The following PPP4R4 variants were observed in gnomAD, a reference collection of about 807,000 sequenced individuals.
The protein encoded by PPP4R4 is serine/threonine-protein phosphatase 4 regulatory subunit 4.
In PPP4R4, 70 loss-of-function variants were observed where a neutral mutation model predicts 121.8. The ratio of observed to expected loss-of-function variants is 0.57; its 90% CI spans 0.47 to 0.70. The LOEUF is 0.70. PPP4R4 is among the 30% of genes least tolerant of loss of function. The probability of loss-of-function intolerance (pLI) is 0.00; values close to 1 mark genes in which losing one functional copy is unlikely to be tolerated. For missense variants in PPP4R4, 875 were observed against 1,033.6 expected (o/e 0.85, Z 2.10); for synonymous variants, 348 against 355.7 (o/e 0.98, Z 0.24).
chr14:94,185,778 C>G (rs1889240974), intron 2 of PPP4R4, among the ~76,000 whole-genome samples: 1 of 152,148 alleles, frequency 6.6e-6, no homozygotes, highest in Admixed American at 6.5e-5. Flanking sequence ...AGATTGGGCA[C>G]CAAATTCCCC....
At chr14:94,185,788 C>T (rs943973470) in intron 2 of PPP4R4, among the ~76,000 whole-genome samples, 4 of 152,158 alleles carry the variant, frequency 2.6e-5, no homozygotes, top group African/African-American at 9.7e-5. Context: ...CCAAATTCCC[C>T]CATCTCCATT....
intron 3 of PPP4R4, among the ~76,000 whole-genome samples, chr14:94,219,871 G>A (rs1419823466): frequency 2.6e-5 from 4 of 152,150 alleles, no homozygotes; most frequent in Admixed American, 6.5e-5. Flanking sequence ...TGAGGCTGGA[G>A]AATCTCTTGA....
At chr14:94,239,571 C>G (rs1892522529) in intron 8 of PPP4R4, among the ~76,000 whole-genome samples, 1 of 152,040 alleles carries the variant, frequency 6.6e-6, no homozygotes, top group Admixed American at 6.6e-5. Flanking sequence ...GGTTGGCAAA[C>G]TATGGCCCTT....
chr14:94,190,553 A>AT (rs113526932), intron 2 of PPP4R4, among the ~76,000 whole-genome samples: 2,905 of 152,238 alleles, frequency 0.019, 89 homozygotes, highest in African/African-American at 0.066. Context: ...GTGAGCCAAG[A>AT]TTGTGTCATT....
chr14:94,273,499 G>C (rs1894456829), intron 23 of PPP4R4, among the ~76,000 whole-genome samples: 1 of 152,076 alleles, frequency 6.6e-6, no homozygotes, highest in South Asian at 2.1e-4. Flanking sequence ...AATTTTTAGG[G>C]CAGTGAAAAC....
chr14:94,182,193 T>A (rs1889030414), intron 2 of PPP4R4, among the ~76,000 whole-genome samples: 2 of 152,344 alleles, frequency 1.3e-5, no homozygotes, highest in Admixed American at 6.5e-5. Flanking sequence ...TTGTTCTTTG[T>A]TTGCCTTTAT....
At chr14:94,190,304 A>G (rs7144827) in intron 2 of PPP4R4, among the ~76,000 whole-genome samples, 24,052 of 152,104 alleles carry the variant, frequency 0.16, 2,028 homozygotes, top group Middle Eastern at 0.24. Context: ...TAACATATCT[A>G]TATATTTTTA....
intron 23 of PPP4R4, among the ~76,000 whole-genome samples, chr14:94,267,264 AAGT>A (rs1473875504): frequency 6.6e-6 from 1 of 152,170 alleles, no homozygotes; most frequent in African/African-American, 2.4e-5. Context: ...AAAAGAACAA[AAGT>A]GATAGGGTAT....
At position 94,197,925 on chromosome 14, in the gene PPP4R4, T is replaced by C. The variant is rs1331204644; in HGVS notation, c.192-10539T>C. The stretch of plus-strand genomic sequence containing the variant: ...TATGGATATATCACTGTATGGAATA[T>C]AATAATTTGATTATCCACTTGTTAG... On this transcript the variant is annotated intron_variant, in intron 2 of 24. Transcript: ENST00000304338. Among the ~76,000 whole-genome samples, 5 of 152,246 alleles carry C rather than the reference T, an allele frequency of 3.3e-5. No individual in the cohort carries two copies. In the East Asian group the frequency reaches 9.6e-4, roughly 29 times the overall value.
intron 2 of PPP4R4, among the ~76,000 whole-genome samples, chr14:94,176,856 C>T (rs1232328590): frequency 6.6e-6 from 1 of 152,096 alleles, no homozygotes; most frequent in African/African-American, 2.4e-5. Flanking sequence ...TAAAATTGTT[C>T]ATTAGCTTAC....
Position 94,246,359 on chromosome 14 carries a change from A to G in PPP4R4, c.1431A>G (p.Leu477=), listed in dbSNP as rs1177873890. Residue 477 remains leucine (L), a splice_region_variant and synonymous_variant, in exon 14 of 25, where the codon TTA becomes TTG. Transcript: ENST00000304338. Reference sequence around the variant, plus strand: ...TTTTTGATGCGTTTCATTTTCAGTTATCTTCTCTGCCTGACTTGATTCCAG... The same window carrying G: ...TTTTTGATGCGTTTCATTTTCAGTTGTCTTCTCTGCCTGACTTGATTCCAG... ...GGESSVQENK[L]SSLPDLIPAL... is the part of the protein sequence containing the mutation. 2.5e-6 allele frequency: 4 copies of G among 1,589,602 alleles called. No individual in the cohort carries two copies. The South Asian group carries it at 3.5e-5, about 14-fold the overall frequency.
At position 94,234,627 on chromosome 14, in the gene PPP4R4, C is replaced by G. The variant is rs750864680; in HGVS notation, c.689C>G (p.Ser230Cys). Residue 230 changes from serine (S) to cysteine (C), a missense_variant, in exon 7 of 25, where the codon TCT becomes TGT. Ser to Cys is a moderately radical substitution (Grantham distance 112). Transcript: ENST00000304338. ...CAAGATGTAGAATATGAAGTTCGAT[C>G]TTGTATGTGTCGGCAATTAGAAAAT... ...LCQDVEYEVR[S>C]CMCRQLENIA... is the part of the protein sequence containing the mutation. The G allele has an allele frequency of 6.2e-7, 1 of 1,608,500 alleles. No individual in the cohort carries two copies. Among genetic ancestry groups the G allele is most frequent in the South Asian group, 1.1e-5 (1 of 90,882 alleles).
chr14:94,228,673 G>A (rs908538470), intron 3 of PPP4R4, among the ~76,000 whole-genome samples: 14 of 152,174 alleles, frequency 9.2e-5, no homozygotes, highest in African/African-American at 3.4e-4. Flanking sequence ...TGTGCAAAAT[G>A]TGTGTGAAGG....
Position 94,279,442 on chromosome 14 carries a change from A to G in PPP4R4, c.*799A>G, listed in dbSNP as rs1040902562. On this transcript the variant is annotated 3_prime_UTR_variant, in exon 25 of 25. Transcript: ENST00000304338. ...TGCTTAAGCTATGTCAACAGCATTT[A>G]TTTGTACTAATGCTAATATTTCCAT... The G allele has an allele frequency of 2.0e-5, 3 of 152,728 alleles. No homozygotes were observed. Among genetic ancestry groups the G allele is most frequent in the Admixed American group, 2.0e-4 (3 of 15,286 alleles). The allele number at this position is 152,728 out of a possible 1,614,324, so 9.5% of individuals were successfully genotyped here.
intron 2 of PPP4R4, among the ~76,000 whole-genome samples, chr14:94,190,365 T>A (rs193175137): frequency 6.7e-4 from 102 of 152,224 alleles, no homozygotes; most frequent in African/African-American, 2.4e-3. Flanking sequence ...CCTGGCACTC[T>A]GGGAGGCAGA....
intron 19 of PPP4R4, among the ~76,000 whole-genome samples, chr14:94,264,037 G>A (rs1204349786): frequency 6.6e-6 from 1 of 152,102 alleles, no homozygotes; most frequent in Non-Finnish European, 1.5e-5. Flanking sequence ...CTGTGTTTTG[G>A]TAACGTTTTG....
rs1355541917 is a variant in PPP4R4 at position 94,175,143 on chromosome 14, C to G, written c.117+561C>G. Among the ~76,000 whole-genome samples, 5 of 151,742 alleles carry G rather than the reference C, an allele frequency of 3.3e-5. No individual in the cohort carries two copies. In the East Asian group the frequency reaches 9.7e-4, roughly 29 times the overall value. On this transcript the variant is annotated intron_variant, in intron 1 of 24. Coordinates refer to ENST00000304338, the MANE Select transcript of PPP4R4 (RefSeq NM_058237.2). ...CCCCCCACCTCTCCCGGAGACACCA[C>G]CCCGCGTCCCGTCCCCTCACCCCCA... is the stretch of plus-strand genomic sequence containing the variant.
intron 2 of PPP4R4, among the ~76,000 whole-genome samples, chr14:94,205,035 A>G (rs2139441120): frequency 6.6e-6 from 1 of 152,308 alleles, no homozygotes; most frequent in South Asian, 2.1e-4. Flanking sequence ...GTATCTATAT[A>G]TATGAGGTAT....
In PPP4R4 at chr14:94,275,538, T is replaced by C; in HGVS notation, c.2597+17T>C. 6.2e-7 allele frequency: 1 copy of C among 1,613,296 alleles called. No individual in the cohort carries two copies. Among genetic ancestry groups the C allele is most frequent in the South Asian group, 1.1e-5 (1 of 91,002 alleles). ...GGCTACCTTGTAAGTAATCAAGTGA[T>C]GTCAGACTGAGTGTATTATCCTCCT... On this transcript the variant is annotated intron_variant, in intron 24 of 24. Transcript: ENST00000304338.
Sources: allele counts gnomAD v4.1 joint callset (sites outside exome capture counted in the v4.1 genomes callset), GRCh38; gene constraint gnomAD v4.1.1; transcripts MANE v1.5; gene names NCBI Gene and HGNC (gene_info 2026-07-23, HGNC 2026-07-21).